Variants in JARID2 observed in about 807,000 individuals in gnomAD.
JARID2 encodes the protein protein Jumonji.
A neutral mutation model predicts 125.6 loss-of-function variants in JARID2; 21 were observed. That is an observed-to-expected ratio of 0.17 (90% confidence interval 0.12 to 0.24). The LOEUF is 0.24. JARID2 is among the 10% of genes least tolerant of loss of function. The probability of loss-of-function intolerance (pLI) is 1.00; values close to 1 mark genes in which losing one functional copy is unlikely to be tolerated. For synonymous variants in JARID2, 736 were observed against 661.6 expected, an observed-to-expected ratio of 1.11 and a Z score of -1.73; for missense variants, 1,303 against 1,639.6, an observed-to-expected ratio of 0.79 and a Z score of 3.55.
intron 2 of JARID2, among the ~76,000 whole-genome samples, chr6:15,379,176 T>G (rs922831954): frequency 1.3e-5 from 2 of 152,138 alleles, no homozygotes; most frequent in Non-Finnish European, 2.9e-5. Context: ...GAATTTTTTT[T>G]TTTTTGGCCC....
At chr6:15,468,482 C>G in intron 4 of JARID2, 60 bp from the exon 5 acceptor site, 3 of 1,434,422 alleles carry the variant, frequency 2.1e-6, no homozygotes, top group Non-Finnish European at 2.8e-6. Context: ...TGTGGTGTTC[C>G]TTCTGGAAAG....
chr6:15,459,191 C>T (rs755639671), intron 4 of JARID2, among the ~76,000 whole-genome samples: 18 of 152,260 alleles, frequency 1.2e-4, no homozygotes, highest in South Asian at 4.1e-4. Context: ...ATACCTGAGG[C>T]GATCATCCAC....
At chr6:15,389,793 CCTAG>C (rs1452435922) in intron 2 of JARID2, among the ~76,000 whole-genome samples, 1 of 152,218 alleles carries the variant, frequency 6.6e-6, no homozygotes, top group Non-Finnish European at 1.5e-5. Context: ...GTGTCATTAT[CCTAG>C]CTAAGACAGT....
chr6:15,309,012 A>G (rs1351428538), intron 1 of JARID2, among the ~76,000 whole-genome samples: 1 of 152,182 alleles, frequency 6.6e-6, no homozygotes, highest in Non-Finnish European at 1.5e-5. Context: ...AGCTGGCCCA[A>G]TATCTTTCCC....
intron 1 of JARID2, among the ~76,000 whole-genome samples, chr6:15,308,211 C>T (rs1373609901): frequency 6.6e-6 from 1 of 152,118 alleles, no homozygotes; most frequent in Non-Finnish European, 1.5e-5. Context: ...GGAACAAGTG[C>T]CATGTTAAAT....
chr6:15,279,405 T>C (rs546426324), intron 1 of JARID2, among the ~76,000 whole-genome samples: 7 of 152,338 alleles, frequency 4.6e-5, no homozygotes, highest in Middle Eastern at 3.4e-3. Flanking sequence ...TTTGTGAGCC[T>C]GACTTTTCAT....
intron 1 of JARID2, among the ~76,000 whole-genome samples, chr6:15,251,343 G>A (rs1009073390): frequency 2.6e-5 from 4 of 152,182 alleles, no homozygotes; most frequent in African/African-American, 7.2e-5. Flanking sequence ...CTAGTGGTTT[G>A]CCCTTGCTCA....
intron 3 of JARID2, among the ~76,000 whole-genome samples, chr6:15,433,074 T>A (rs911041334): frequency 7.9e-5 from 12 of 152,182 alleles, no homozygotes; most frequent in African/African-American, 2.9e-4. Context: ...GGTTGAAGAA[T>A]CACACTTTGA....
At chr6:15,502,615 G>A (rs1290954147) in intron 8 of JARID2, among the ~76,000 whole-genome samples, 1 of 152,160 alleles carries the variant, frequency 6.6e-6, no homozygotes, top group Non-Finnish European at 1.5e-5. Context: ...TTAGAAATAC[G>A]GAGGAAGGGT....
chr6:15,432,928 A>G (rs1255476286), intron 3 of JARID2, among the ~76,000 whole-genome samples: 3 of 152,242 alleles, frequency 2.0e-5, no homozygotes, highest in African/African-American at 7.2e-5. Flanking sequence ...GTAAGCGTGC[A>G]TCAGAATCAT....
At position 15,521,080 on chromosome 6, in the gene JARID2, A is replaced by AGG. The variant is rs1199832720; in HGVS notation, c.*829_*830insGG. The AGG allele has an allele frequency of 6.3e-6, 1 of 158,896 alleles. No individual in the cohort carries two copies. The highest frequency in any genetic ancestry group is 2.5e-5 in the African/African-American group (1 of 40,394). The allele number at this position is 158,896 out of a possible 1,614,324, so 9.8% of individuals were successfully genotyped here. A position where few individuals can be genotyped will look rare whatever the true frequency, so the allele number is the denominator to read the frequency against. On this transcript the variant is annotated 3_prime_UTR_variant, in exon 18 of 18. Coordinates refer to ENST00000341776, the MANE Select transcript of JARID2 (RefSeq NM_004973.4). ...TAGCATCCTTAAGATTTAAAAAAAA[A>AGG]AAAAAAAAAAAGGAAAAAAAAGTGA...
chr6:15,449,211 T>G (rs974674141), intron 3 of JARID2, among the ~76,000 whole-genome samples: 3 of 152,156 alleles, frequency 2.0e-5, no homozygotes, highest in Non-Finnish European at 4.4e-5. Flanking sequence ...CCCCATGACA[T>G]AGAGATAGTG....
At position 15,512,960 on chromosome 6, in the gene JARID2, T is replaced by C; in HGVS notation, c.3181T>C (p.Leu1061=). ...AGCTAAGCCATTCTCCATGGAGAAG[T>C]TACTCTACCAGATTGCACAAGCAGA... ...HIAKPFSMEK[L]LYQIAQAEAK... Residue 1061 remains leucine (L), a synonymous_variant, in exon 15 of 18, where the codon TTA becomes CTA. Transcript: ENST00000341776. 1 of 1,613,344 alleles carries C rather than the reference T, an allele frequency of 6.2e-7. No individual in the cohort carries two copies. The highest frequency in any genetic ancestry group is 8.5e-7 in the Non-Finnish European group (1 of 1,179,880).
At position 15,520,830 on chromosome 6, in the gene JARID2, G is replaced by A. The variant is rs539472375; in HGVS notation, c.*579G>A. 427 of 455,834 alleles carry A rather than the reference G, an allele frequency of 9.4e-4. 3 individuals carry two copies. Among genetic ancestry groups the A allele is most frequent in the South Asian group, 5.5e-3 (357 of 64,556 alleles). 28.2% of individuals were successfully genotyped at this position (455,834 alleles called of 1,614,324 possible). Reference sequence around the variant, plus strand: ...GCGGTTGTGGCAGCTGAAGGCGGACGTTGTTTCCTAACCATAGGTGGAACG... The same window carrying A: ...GCGGTTGTGGCAGCTGAAGGCGGACATTGTTTCCTAACCATAGGTGGAACG... On this transcript the variant is annotated 3_prime_UTR_variant, in exon 18 of 18. Transcript: ENST00000341776.
At chr6:15,280,010 G>A (rs1172970838) in intron 1 of JARID2, among the ~76,000 whole-genome samples, 2 of 152,148 alleles carry the variant, frequency 1.3e-5, no homozygotes, top group African/African-American at 2.4e-5. Context: ...TGAAGGAATA[G>A]CATGAACATC....
At chr6:15,426,062 G>A (rs1766712512) in intron 3 of JARID2, among the ~76,000 whole-genome samples, 1 of 152,174 alleles carries the variant, frequency 6.6e-6, no homozygotes. Flanking sequence ...CTGTGAACAT[G>A]GTAGCTGGGT....
chr6:15,279,579 T>A (rs80348528), intron 1 of JARID2, among the ~76,000 whole-genome samples: 3 of 152,210 alleles, frequency 2.0e-5, no homozygotes, highest in African/African-American at 7.2e-5. Flanking sequence ...ACTTGCCTGA[T>A]TAACACCACT....
intron 1 of JARID2, among the ~76,000 whole-genome samples, chr6:15,279,091 C>CAA (rs35041079): frequency 2.7e-5 from 3 of 110,506 alleles, no homozygotes; most frequent in Non-Finnish European, 1.8e-5. Flanking sequence ...ACTGTGTCTC[C>CAA]AAAAAAAAAA....
intron 3 of JARID2, among the ~76,000 whole-genome samples, chr6:15,419,136 ACAAT>A (rs1177780896): frequency 6.6e-6 from 1 of 152,234 alleles, no homozygotes; most frequent in Non-Finnish European, 1.5e-5. Flanking sequence ...TGAAAGCAAA[ACAAT>A]CAGCAAAAGG....
Sources: gnomAD v4.1 joint callset for allele counts (sites outside exome capture counted in the v4.1 genomes callset) on GRCh38, gnomAD v4.1.1 for gene constraint, MANE v1.5 for transcripts, NCBI Gene and HGNC (gene_info 2026-07-23, HGNC 2026-07-21) for gene names.